The following P2RY8 variants were observed in gnomAD, a reference collection of about 807,000 sequenced individuals.
P2RY8 encodes S-geranylgeranyl-glutathione receptor P2RY8.
A neutral mutation model predicts 10.0 loss-of-function variants in P2RY8; 6 were observed. That is an observed-to-expected ratio of 0.60 (90% CI 0.33 to 1.19). The LOEUF (loss-of-function observed/expected upper bound fraction) is 1.19, where lower values mean the gene tolerates loss of function less well. P2RY8 is among the 50% of genes most tolerant of loss of function. The probability of loss-of-function intolerance (pLI) is 0.04; values close to 1 mark genes in which losing one functional copy is unlikely to be tolerated. For missense variants in P2RY8, 456 were observed against 542.0 expected, an observed-to-expected ratio of 0.84 and a Z score of 1.58; for synonymous variants, 276 against 252.5, an observed-to-expected ratio of 1.09 and a Z score of -0.88.
At chrX:1,469,735 C>CAA (rs757872042) in intron 1 of P2RY8, among the ~76,000 whole-genome samples, 1 of 151,402 alleles carries the variant, frequency 6.6e-6, no homozygotes, top group Admixed American at 6.6e-5. Flanking sequence ...ACTAAAAAAA[C>CAA]AAAAAAACAA....
intron 1 of P2RY8, among the ~76,000 whole-genome samples, chrX:1,527,769 T>C (rs2092448997): frequency 6.6e-6 from 1 of 152,148 alleles, no homozygotes; most frequent in Non-Finnish European, 1.5e-5. Flanking sequence ...CCTGTCTACA[T>C]ATCCATCCAT....
intron 1 of P2RY8, among the ~76,000 whole-genome samples, chrX:1,535,862 C>T (rs1426611746): frequency 2.6e-5 from 4 of 152,046 alleles, no homozygotes; most frequent in African/African-American, 9.7e-5. Context: ...ATTCCCAGAG[C>T]AGCTCCCTCT....
chrX:1,508,858 C>T (rs1157341944), intron 1 of P2RY8, among the ~76,000 whole-genome samples: 1 of 44,900 alleles, frequency 2.2e-5, no homozygotes, highest in Non-Finnish European at 4.3e-5. Flanking sequence ...TCCATTCATC[C>T]ATCCATCCAT....
At chrX:1,502,955 A>G (rs1385397565) in intron 1 of P2RY8, among the ~76,000 whole-genome samples, 1 of 151,976 alleles carries the variant, frequency 6.6e-6, no homozygotes, top group Non-Finnish European at 1.5e-5. Flanking sequence ...AGATATGTCC[A>G]TATCCTAGAG....
chrX:1,534,874 G>C (rs2092513100), intron 1 of P2RY8, among the ~76,000 whole-genome samples: 1 of 152,152 alleles, frequency 6.6e-6, no homozygotes, highest in Non-Finnish European at 1.5e-5. Flanking sequence ...GAGGGAGGGA[G>C]CGTCTCTGTG....
At chrX:1,487,885 T>C (rs1299187447) in intron 1 of P2RY8, among the ~76,000 whole-genome samples, 11 of 151,616 alleles carry the variant, frequency 7.3e-5, no homozygotes, top group Non-Finnish European at 1.3e-4. Context: ...CCGAGGCGGG[T>C]GGATCACGAG....
At chrX:1,495,305 C>A (rs28437033) in intron 1 of P2RY8, among the ~76,000 whole-genome samples, 1 of 152,140 alleles carries the variant, frequency 6.6e-6, no homozygotes. Flanking sequence ...AAAGTCCTAA[C>A]CCCTAGGACC....
intron 1 of P2RY8, among the ~76,000 whole-genome samples, chrX:1,509,795 T>TCCTATCTA (rs2092283257): frequency 1.4e-5 from 1 of 70,614 alleles, no homozygotes; most frequent in South Asian, 4.9e-4. Context: ...TATGTATCCA[T>TCCTATCTA]CCTATCTATC....
chrX:1,464,622 C>G lies in P2RY8; in HGVS notation c.*857G>C, dbSNP rs2091637107. 8.6e-6 allele frequency: 2 copies of G among 233,424 alleles called. No homozygotes were observed. Among genetic ancestry groups the G allele is most frequent in the Non-Finnish European group, 8.5e-6 (1 of 118,192 alleles). The allele number at this position is 233,424 out of a possible 1,614,324, so 14.5% of individuals were successfully genotyped here. Reference sequence around the variant, plus strand: ...CGGAGCCTCCTTTCCGCACCTGGGCCTCCCGTGGTCCTTGTCCTGAGTCAG... The same window carrying G: ...CGGAGCCTCCTTTCCGCACCTGGGCGTCCCGTGGTCCTTGTCCTGAGTCAG... On this transcript the variant is annotated 3_prime_UTR_variant, in exon 2 of 2. Coordinates refer to ENST00000381297, the MANE Select transcript of P2RY8 (RefSeq NM_178129.5).
chrX:1,471,309 A>ATTTTTTTTTTTTTTTTTT, intron 1 of P2RY8, among the ~76,000 whole-genome samples: 1 of 100,026 alleles, frequency 1.0e-5, no homozygotes, highest in Non-Finnish European at 1.9e-5. Flanking sequence ...CGCCCAGCCC[A>ATTTTTTTTTTTTTTTTTT]TTTTTTTTTT....
chrX:1,500,049 G>A lies in P2RY8; in HGVS notation c.-24-33467C>T, dbSNP rs1340299375. On this transcript the variant is annotated intron_variant, in intron 1 of 1. Transcript: ENST00000381297. The stretch of plus-strand genomic sequence containing the variant: ...AATTTTTTGTATTTTTAGTAGAGAC[G>A]GGGTTTCACCGTGTTAGCCAGGATG... Among the ~76,000 whole-genome samples the A allele has an allele frequency of 3.8e-5, 5 of 132,248 alleles. No homozygotes were observed. In the East Asian group the frequency reaches 9.6e-4, roughly 25 times the overall value. The allele number at this position is 132,248 out of a possible 152,430, so 86.8% of individuals were successfully genotyped here. A position where few individuals can be genotyped will look rare whatever the true frequency, so the allele number is the denominator to read the frequency against.
chrX:1,472,869 G>GGATA (rs2091810502), intron 1 of P2RY8, among the ~76,000 whole-genome samples: 1 of 145,858 alleles, frequency 6.9e-6, no homozygotes. Flanking sequence ...GTGGCTAGAT[G>GGATA]GATGAGTGGG....
intron 1 of P2RY8, among the ~76,000 whole-genome samples, chrX:1,506,053 C>A (rs1169179870): frequency 7.0e-6 from 1 of 143,450 alleles, no homozygotes; most frequent in African/African-American, 2.6e-5. Context: ...AGTGCAGTGG[C>A]ACAGTCTTGG....
Position 1,536,946 on chromosome X carries a change from G to C in P2RY8, c.-50C>G, listed in dbSNP as rs2092531788. On this transcript the variant is annotated 5_prime_UTR_variant, in exon 1 of 2. Transcript: ENST00000381297. ...CTGTGCAGAAGCAGCGGCAGAAGTA[G>C]CAGGTGAGAGCTCAGAGGGTCTCCA... 4.4e-6 allele frequency: 1 copy of C among 229,240 alleles called. No homozygotes were observed. Among genetic ancestry groups the C allele is most frequent in the African/African-American group, 2.2e-5 (1 of 45,072 alleles). 14.2% of individuals were successfully genotyped at this position (229,240 alleles called of 1,614,324 possible). A position where few individuals can be genotyped will look rare whatever the true frequency, so the allele number is the denominator to read the frequency against.
chrX:1,501,801 G>A (rs1362506211), intron 1 of P2RY8, among the ~76,000 whole-genome samples: 3 of 151,580 alleles, frequency 2.0e-5, no homozygotes, highest in Admixed American at 2.0e-4. Flanking sequence ...CACCGTGTTA[G>A]CCAGGATGGT....
intron 1 of P2RY8, among the ~76,000 whole-genome samples, chrX:1,500,312 C>T (rs1434241462): frequency 6.6e-6 from 1 of 151,998 alleles, no homozygotes; most frequent in Non-Finnish European, 1.5e-5. Flanking sequence ...GGGTCTCACT[C>T]TGTTGCCCAG....
chrX:1,501,521 C>A (rs1172894554), intron 1 of P2RY8, among the ~76,000 whole-genome samples: 3 of 152,106 alleles, frequency 2.0e-5, no homozygotes, highest in Admixed American at 6.6e-5. Context: ...ACCACCATGG[C>A]TGGCTAATTA....
intron 1 of P2RY8, among the ~76,000 whole-genome samples, chrX:1,518,812 A>G (rs1181176013): frequency 6.6e-6 from 1 of 152,030 alleles, no homozygotes; most frequent in Non-Finnish European, 1.5e-5. Context: ...AAATCTTTCT[A>G]GTCCCCCAAA....
At chrX:1,481,737 C>T (rs1265548893) in intron 1 of P2RY8, among the ~76,000 whole-genome samples, 1 of 152,188 alleles carries the variant, frequency 6.6e-6, no homozygotes, top group Non-Finnish European at 1.5e-5. Flanking sequence ...ACACCTGCCT[C>T]TGAACGAACT....
Sources: allele counts gnomAD v4.1 joint callset (sites outside exome capture counted in the v4.1 genomes callset), GRCh38; gene constraint gnomAD v4.1.1; transcripts MANE v1.5; gene names NCBI Gene and HGNC (gene_info 2026-07-23, HGNC 2026-07-21).